The following MTMR7 variants were observed in gnomAD, a reference collection of about 807,000 sequenced individuals.
The protein encoded by MTMR7 is phosphatidylinositol-3-phosphate phosphatase MTMR7.
A neutral mutation model predicts 81.2 loss-of-function variants in MTMR7; 76 were observed. The observed-to-expected ratio is 0.94, with a 90% CI of 0.78 to 1.13. MTMR7 has a LOEUF of 1.13. Among genes scored for constraint, MTMR7 ranks in the 50% most tolerant of loss-of-function variants. MTMR7 has a pLI of 0.00. For missense variants in MTMR7, 1,044 were observed against 820.0 expected (o/e 1.27, Z -3.34); for synonymous variants, 372 against 289.8 (o/e 1.28, Z -2.88).
chr8:17,307,048 TTAAAC>T (rs1458347045), intron 10 of MTMR7, among the ~76,000 whole-genome samples: 11 of 152,112 alleles, frequency 7.2e-5, no homozygotes, highest in African/African-American at 2.2e-4. Flanking sequence ...TGGGATCTAA[TTAAAC>T]TAAAGAGCTT....
At chr8:17,330,000 A>G (rs1190983441) in intron 7 of MTMR7, among the ~76,000 whole-genome samples, 2 of 152,216 alleles carry the variant, frequency 1.3e-5, no homozygotes, top group African/African-American at 4.8e-5. Flanking sequence ...TGGAAGACCC[A>G]TAGAAAGTAT....
chr8:17,389,022 C>G (rs1241895106), intron 1 of MTMR7, among the ~76,000 whole-genome samples: 1 of 152,170 alleles, frequency 6.6e-6, no homozygotes, highest in African/African-American at 2.4e-5. Flanking sequence ...ATGTGGAGGC[C>G]TCTTCTGAGG....
intron 4 of MTMR7, among the ~76,000 whole-genome samples, chr8:17,353,607 G>T (rs566744051): frequency 1.3e-5 from 2 of 152,236 alleles, no homozygotes; most frequent in African/African-American, 4.8e-5. Flanking sequence ...TGCCTCTCAG[G>T]ATTTTGTCTG....
chr8:17,299,789 TA>T lies in MTMR7; in HGVS notation c.*72del. The T allele has an allele frequency of 6.4e-7, 1 of 1,561,818 alleles. No homozygotes were observed. Among genetic ancestry groups the T allele is most frequent in the Non-Finnish European group, 8.7e-7 (1 of 1,153,038 alleles). ...CATGCACCATTTCCTGTTTTTACAATAAACCACCTTGTTCCCTTGTTTTTGG... is the reference window on the plus strand; with the variant it reads ...CATGCACCATTTCCTGTTTTTACAATAACCACCTTGTTCCCTTGTTTTTGG... On this transcript the variant is annotated 3_prime_UTR_variant, in exon 14 of 14. Coordinates refer to ENST00000180173, the MANE Select transcript of MTMR7 (RefSeq NM_004686.5).
At chr8:17,349,196 T>A in intron 4 of MTMR7, 115 bp from the exon 5 acceptor site, 2 of 1,273,288 alleles carry the variant, frequency 1.6e-6, no homozygotes, top group African/African-American at 1.5e-5. Flanking sequence ...CCCTTAACCA[T>A]GTTACAGAGG....
At chr8:17,336,912 G>A (rs931582210) in intron 6 of MTMR7, among the ~76,000 whole-genome samples, 3 of 152,228 alleles carry the variant, frequency 2.0e-5, no homozygotes, top group African/African-American at 7.2e-5. Context: ...AACGGAGCGA[G>A]TGTGGGCTCT....
chr8:17,323,064 C>G (rs941833740), intron 7 of MTMR7, among the ~76,000 whole-genome samples: 12 of 150,828 alleles, frequency 8.0e-5, no homozygotes, highest in African/African-American at 2.9e-4. Context: ...TCTCCTGCCT[C>G]AGCCTCCTGA....
At chr8:17,352,233 C>T (rs1344346655) in intron 4 of MTMR7, among the ~76,000 whole-genome samples, 1 of 152,038 alleles carries the variant, frequency 6.6e-6, no homozygotes, top group East Asian at 1.9e-4. Flanking sequence ...CAGTGTGGTA[C>T]TGGAATAAAG....
chr8:17,311,782 T>G, intron 8 of MTMR7, 146 bp from the exon 9 acceptor site: 1 of 1,286,414 alleles, frequency 7.8e-7, no homozygotes, highest in Non-Finnish European at 1.1e-6. Context: ...GGGCCCCCCC[T>G]AATTAGGGCA....
chr8:17,330,765 G>A (rs1238434829), intron 7 of MTMR7, among the ~76,000 whole-genome samples: 1 of 152,170 alleles, frequency 6.6e-6, no homozygotes, highest in Non-Finnish European at 1.5e-5. Context: ...ATTCAGCAAG[G>A]ATCAGTTTTT....
intron 3 of MTMR7, among the ~76,000 whole-genome samples, chr8:17,367,069 T>C (rs938424732): frequency 3.3e-5 from 5 of 152,056 alleles, no homozygotes; most frequent in African/African-American, 1.2e-4. Flanking sequence ...GGAAAAGGGC[T>C]GCTACGCTCT....
intron 7 of MTMR7, among the ~76,000 whole-genome samples, chr8:17,317,931 C>T (rs186896516): frequency 7.2e-5 from 11 of 152,154 alleles, no homozygotes; most frequent in Admixed American, 3.3e-4. Flanking sequence ...ACTTCATTCT[C>T]ATTTCAGTGG....
At chr8:17,308,366 GC>G (rs1054384930) in intron 10 of MTMR7, among the ~76,000 whole-genome samples, 1 of 152,032 alleles carries the variant, frequency 6.6e-6, no homozygotes, top group African/African-American at 2.4e-5. Context: ...CTAATTGGGG[GC>G]TTTAATTTTC....
chr8:17,403,348 A>G (rs1018236378), intron 1 of MTMR7, among the ~76,000 whole-genome samples: 3 of 152,056 alleles, frequency 2.0e-5, no homozygotes, highest in African/African-American at 7.2e-5. Context: ...TTTTCCCAAT[A>G]TATGTCATTG....
chr8:17,365,537 G>A (rs1820198927), intron 3 of MTMR7, among the ~76,000 whole-genome samples: 2 of 152,110 alleles, frequency 1.3e-5, no homozygotes. Flanking sequence ...GTCTAAGCCA[G>A]CATATCCAAC....
chr8:17,375,875 GT>G (rs1304923153), intron 1 of MTMR7, among the ~76,000 whole-genome samples: 1 of 152,100 alleles, frequency 6.6e-6, no homozygotes, highest in Admixed American at 6.5e-5. Context: ...CTCTTGCATT[GT>G]TTTTCCTTTG....
chr8:17,407,232 T>A (rs74720152), intron 1 of MTMR7, among the ~76,000 whole-genome samples: 3,088 of 151,978 alleles, frequency 0.02, 117 homozygotes, highest in East Asian at 0.13. Flanking sequence ...AAATGGTCAG[T>A]AAACATATTT....
At chr8:17,410,784 A>G (rs1483452604) in intron 1 of MTMR7, among the ~76,000 whole-genome samples, 1 of 152,222 alleles carries the variant, frequency 6.6e-6, no homozygotes, top group African/African-American at 2.4e-5. Flanking sequence ...CATGGATATT[A>G]CACAGTCTAC....
intron 1 of MTMR7, among the ~76,000 whole-genome samples, chr8:17,383,940 C>T (rs1820843754): frequency 6.6e-6 from 1 of 152,120 alleles, no homozygotes; most frequent in African/African-American, 2.4e-5. Context: ...AAACATCTAC[C>T]ATATAGAAAT....
Sources: allele counts gnomAD v4.1 joint callset (sites outside exome capture counted in the v4.1 genomes callset), GRCh38; gene constraint gnomAD v4.1.1; transcripts MANE v1.5; gene names NCBI Gene and HGNC (gene_info 2026-07-23, HGNC 2026-07-21).